The following WWC1 variants were observed in gnomAD, a reference collection of about 807,000 sequenced individuals.
The protein encoded by WWC1 is protein KIBRA.
Under a neutral mutation model 138.4 loss-of-function variants are expected in WWC1, and 55 were observed. The ratio of observed to expected loss-of-function variants is 0.40; its 90% CI spans 0.32 to 0.50. WWC1 has a LOEUF of 0.50. WWC1 is among the 20% of genes least tolerant of loss of function. WWC1 has a pLI of 0.72. For missense variants in WWC1, 1,226 were observed against 1,420.4 expected, an observed-to-expected ratio of 0.86 and a Z score of 2.20; for synonymous variants, 524 against 564.9, an observed-to-expected ratio of 0.93 and a Z score of 1.03.
intron 19 of WWC1, 60 bp downstream of exon 19, chr5:168,455,580 G>T: frequency 6.3e-7 from 1 of 1,579,516 alleles, no homozygotes; most frequent in Non-Finnish European, 8.6e-7. Flanking sequence ...TTCACACAGG[G>T]CTGGGTGCAA....
intron 17 of WWC1, among the ~76,000 whole-genome samples, chr5:168,446,232 TAAAAAAAAAAAAA>T (rs60746695): frequency 2.4e-4 from 14 of 58,770 alleles, no homozygotes; most frequent in South Asian, 9.2e-4. Flanking sequence ...CTCCCATTAT[TAAAAAAAAAAAAA>T]AAAAAAAAAA....
intron 15 of WWC1, among the ~76,000 whole-genome samples, chr5:168,438,646 G>GGTAGCCC (rs11281669): frequency 0.84 from 126,834 of 151,624 alleles, 53,439 homozygotes; most frequent in East Asian, 1. Flanking sequence ...ACAGAGTCTG[G>GGTAGCCC]TTCCACCCAC....
chr5:168,468,834 C>A, intron 22 of WWC1, 117 bp from the exon 23 acceptor site: 1 of 1,096,722 alleles, frequency 9.1e-7, no homozygotes, highest in Non-Finnish European at 1.4e-6. Flanking sequence ...AAGGACGTTG[C>A]TAAACATTCT....
At chr5:168,322,633 C>T (rs1014105339) in intron 1 of WWC1, among the ~76,000 whole-genome samples, 1 of 152,164 alleles carries the variant, frequency 6.6e-6, no homozygotes, top group Non-Finnish European at 1.5e-5. Context: ...TAGTGTTTAG[C>T]TGCTGGTAGT....
At chr5:168,378,706 T>C (rs1405763835) in intron 2 of WWC1, among the ~76,000 whole-genome samples, 1 of 152,214 alleles carries the variant, frequency 6.6e-6, no homozygotes, top group African/African-American at 2.4e-5. Flanking sequence ...GACATGAGGG[T>C]ACTGTTTTCC....
intron 18 of WWC1, 96 bp downstream of exon 18, chr5:168,454,196 G>T (rs1756097866): frequency 6.5e-7 from 1 of 1,529,824 alleles, no homozygotes; most frequent in South Asian, 1.3e-5. Flanking sequence ...CTAAGTCTTG[G>T]CTTCCAGCAT....
At chr5:168,434,893 A>G (rs1782237152) in intron 15 of WWC1, among the ~76,000 whole-genome samples, 1 of 152,046 alleles carries the variant, frequency 6.6e-6, no homozygotes, top group African/African-American at 2.4e-5. Context: ...CCCATGGTTC[A>G]CCATTACAAC....
intron 2 of WWC1, among the ~76,000 whole-genome samples, chr5:168,377,925 G>A (rs1002408875): frequency 3.0e-4 from 45 of 152,220 alleles, no homozygotes; most frequent in African/African-American, 1.1e-3. Context: ...CTATTACTAG[G>A]TATATATCCA....
intron 17 of WWC1, 42 bp downstream of exon 17, chr5:168,444,627 G>A (rs1755075078): frequency 6.2e-7 from 1 of 1,604,054 alleles, no homozygotes. Flanking sequence ...TGCCCTGCCT[G>A]GACCTAGGCC....
chr5:168,447,297 G>A (rs1045484815), intron 17 of WWC1, among the ~76,000 whole-genome samples: 10 of 152,154 alleles, frequency 6.6e-5, no homozygotes, highest in African/African-American at 1.4e-4. Context: ...GCGCCCTCCC[G>A]TAATATCTGT....
chr5:168,372,291 G>T (rs1038143714), intron 2 of WWC1, among the ~76,000 whole-genome samples: 1 of 152,132 alleles, frequency 6.6e-6, no homozygotes, highest in East Asian at 1.9e-4. Context: ...GTGTGTTTGG[G>T]CCTCATCCAC....
At chr5:168,400,818 ATGAG>A (rs1440126455) in intron 5 of WWC1, among the ~76,000 whole-genome samples, 1 of 135,934 alleles carries the variant, frequency 7.4e-6, no homozygotes, top group Non-Finnish European at 1.6e-5. Context: ...TCTTGAAAGA[ATGAG>A]AGAGAGAGAG....
At chr5:168,331,917 G>A (rs1277598303) in intron 1 of WWC1, among the ~76,000 whole-genome samples, 10 of 152,124 alleles carry the variant, frequency 6.6e-5, no homozygotes, top group African/African-American at 2.2e-4. Flanking sequence ...AGGCCAAGGC[G>A]GGTGGATCAC....
chr5:168,385,772 A>G (rs185008327), intron 3 of WWC1, among the ~76,000 whole-genome samples: 1 of 152,354 alleles, frequency 6.6e-6, no homozygotes, highest in African/African-American at 2.4e-5. Flanking sequence ...TAGTATGTTC[A>G]CAACAGTGTA....
At chr5:168,324,447 T>C (rs1290473702) in intron 1 of WWC1, among the ~76,000 whole-genome samples, 2 of 152,038 alleles carry the variant, frequency 1.3e-5, no homozygotes, top group Admixed American at 6.6e-5. Context: ...AAAAAATAAA[T>C]AAATTTTTCA....
chr5:168,323,518 GC>G, intron 1 of WWC1, among the ~76,000 whole-genome samples: 1 of 152,172 alleles, frequency 6.6e-6, no homozygotes, highest in Admixed American at 6.5e-5. Flanking sequence ...CTGTATTCCA[GC>G]CTGGGCAACA....
At chr5:168,419,772 G>A (rs374674917) in intron 9 of WWC1, among the ~76,000 whole-genome samples, 1 of 152,126 alleles carries the variant, frequency 6.6e-6, no homozygotes, top group East Asian at 1.9e-4. Flanking sequence ...CCCACTCCAG[G>A]GGTTGGAGAG....
At chr5:168,393,541 G>A (rs1778661375) in intron 3 of WWC1, among the ~76,000 whole-genome samples, 1 of 152,188 alleles carries the variant, frequency 6.6e-6, no homozygotes, top group Admixed American at 6.5e-5. Flanking sequence ...ATCAAGTGTA[G>A]GGCCGAATAA....
At chr5:168,303,910 C>G (rs531409963) in intron 1 of WWC1, among the ~76,000 whole-genome samples, 1 of 152,274 alleles carries the variant, frequency 6.6e-6, no homozygotes, top group South Asian at 2.1e-4. Context: ...ATCCTCACTT[C>G]AGCCCTCTAG....
Sources: gnomAD v4.1 joint callset for allele counts (sites outside exome capture counted in the v4.1 genomes callset) on GRCh38, gnomAD v4.1.1 for gene constraint, MANE v1.5 for transcripts, NCBI Gene and HGNC (gene_info 2026-07-23, HGNC 2026-07-21) for gene names.